CNTN5: variants seen among roughly 807,000 people sequenced by gnomAD.
The protein encoded by CNTN5 is contactin 5, also known as contactin-5.
In CNTN5, 77 loss-of-function variants were observed where a neutral mutation model predicts 129.1. That is an observed-to-expected ratio of 0.60 (90% confidence interval 0.50 to 0.72). The LOEUF (loss-of-function observed/expected upper bound fraction) is 0.72. Ranked by LOEUF, CNTN5 falls within the 30% of genes least tolerant of loss-of-function variation. CNTN5 has a pLI of 0.00. For synonymous variants in CNTN5, 509 were observed against 465.6 expected, an observed-to-expected ratio of 1.09 and a Z score of -1.20; for missense variants, 1,478 against 1,328.8, an observed-to-expected ratio of 1.11 and a Z score of -1.75.
intron 9 of CNTN5, among the ~76,000 whole-genome samples, chr11:100,005,652 C>CA (rs1387053393): frequency 2.0e-5 from 3 of 151,972 alleles, no homozygotes; most frequent in Non-Finnish European, 4.4e-5. Flanking sequence ...ATGACAACCC[C>CA]AAAAAACTTT....
At chr11:99,581,567 A>T (rs1385018444) in intron 3 of CNTN5, among the ~76,000 whole-genome samples, 3 of 151,918 alleles carry the variant, frequency 2.0e-5, no homozygotes, top group African/African-American at 7.3e-5. Flanking sequence ...TGTTGAATTG[A>T]TCCCTTTACC....
At position 99,820,109 on chromosome 11, in the gene CNTN5, C is replaced by CT. The variant is rs200777312; in HGVS notation, c.277+345dup. On this transcript the variant is annotated intron_variant, in intron 4 of 24. Transcript: ENST00000524871. ...CTCCCAGGCCTTGAGACAGACACTA[C>CT]TGGGTTATAAAAATGACAAGAGCCT... is the stretch of plus-strand genomic sequence containing the variant. 6.4e-3 allele frequency among the ~76,000 whole-genome samples: 967 copies of CT among 151,160 alleles called. 13 individuals are homozygous for CT. Among genetic ancestry groups the CT allele is most frequent in the African/African-American group, 0.022 (921 of 41,146 alleles).
At chr11:99,055,930 G>A (rs777144623) in intron 1 of CNTN5, among the ~76,000 whole-genome samples, 4 of 151,754 alleles carry the variant, frequency 2.6e-5, no homozygotes, top group Non-Finnish European at 4.4e-5. Flanking sequence ...TGTCTCCTTC[G>A]GTTTCAATTT....
chr11:99,032,058 C>T (rs888133187), intron 1 of CNTN5, among the ~76,000 whole-genome samples: 2 of 151,788 alleles, frequency 1.3e-5, no homozygotes, highest in Non-Finnish European at 2.9e-5. Context: ...AGAATGATGA[C>T]TTCCAATTTC....
chr11:99,931,635 T>C (rs1950194823), intron 7 of CNTN5, among the ~76,000 whole-genome samples: 1 of 152,220 alleles, frequency 6.6e-6, no homozygotes, highest in African/African-American at 2.4e-5. Flanking sequence ...CTCACTCCTT[T>C]GATAACTGGT....
intron 3 of CNTN5, among the ~76,000 whole-genome samples, chr11:99,698,280 G>C (rs200336158): frequency 1.3e-4 from 4 of 29,898 alleles, no homozygotes; most frequent in African/African-American, 5.6e-4. Flanking sequence ...GAAAAATAAA[G>C]ATAAGAATAT....
intron 1 of CNTN5, among the ~76,000 whole-genome samples, chr11:99,126,347 G>A (rs957485372): frequency 6.6e-6 from 1 of 152,142 alleles, no homozygotes; most frequent in African/African-American, 2.4e-5. Flanking sequence ...AACTTCTGTT[G>A]AAGGAGCTCT....
intron 1 of CNTN5, among the ~76,000 whole-genome samples, chr11:99,166,759 CTTT>C (rs10700454): frequency 1.4e-5 from 2 of 143,938 alleles, no homozygotes; most frequent in Non-Finnish European, 3.0e-5. Flanking sequence ...TTTCCTTTTT[CTTT>C]TTTTTTTTGG....
intron 16 of CNTN5, among the ~76,000 whole-genome samples, chr11:100,228,373 G>A (rs991654636): frequency 2.0e-5 from 3 of 152,242 alleles, no homozygotes; most frequent in South Asian, 4.1e-4. Flanking sequence ...CACTTGTTGG[G>A]AGACATCTAA....
chr11:99,618,440 A>C (rs2135752846), intron 3 of CNTN5, among the ~76,000 whole-genome samples: 1 of 152,262 alleles, frequency 6.6e-6, no homozygotes, highest in South Asian at 2.1e-4. Flanking sequence ...TTAATCACTC[A>C]CAGTTTCATG....
intron 13 of CNTN5, among the ~76,000 whole-genome samples, chr11:100,185,264 G>A (rs1042325892): frequency 6.6e-6 from 1 of 152,090 alleles, no homozygotes; most frequent in Non-Finnish European, 1.5e-5. Context: ...TACTGGATAA[G>A]TTCTACTCTC....
chr11:99,090,917 G>C (rs983702702), intron 1 of CNTN5, among the ~76,000 whole-genome samples: 3 of 151,190 alleles, frequency 2.0e-5, no homozygotes, highest in Non-Finnish European at 4.4e-5. Context: ...AGCTATTCAG[G>C]AGGCTGAGGC....
At chr11:99,667,945 A>C (rs1952864621) in intron 3 of CNTN5, among the ~76,000 whole-genome samples, 1 of 82,352 alleles carries the variant, frequency 1.2e-5, no homozygotes, top group African/African-American at 3.4e-5. Flanking sequence ...CCTGAAACTT[A>C]AAGCAAAAGA....
At chr11:99,515,488 T>C (rs185747589) in intron 2 of CNTN5, among the ~76,000 whole-genome samples, 73 of 152,202 alleles carry the variant, frequency 4.8e-4, no homozygotes, top group African/African-American at 1.6e-3. Flanking sequence ...TTTTTCACCA[T>C]TGTATTTCAT....
intron 2 of CNTN5, among the ~76,000 whole-genome samples, chr11:99,553,055 T>C (rs941165098): frequency 4.6e-5 from 7 of 152,180 alleles, no homozygotes; most frequent in Admixed American, 4.6e-4. Context: ...ATTATCTACT[T>C]ATTGCACTCT....
At chr11:99,095,772 G>C (rs1046995092) in intron 1 of CNTN5, among the ~76,000 whole-genome samples, 5 of 151,826 alleles carry the variant, frequency 3.3e-5, no homozygotes, top group Admixed American at 6.6e-5. Context: ...CAGGCAAGCT[G>C]AGTATTTTGG....
intron 1 of CNTN5, among the ~76,000 whole-genome samples, chr11:99,144,992 T>C (rs1199423420): frequency 6.6e-6 from 1 of 152,184 alleles, no homozygotes; most frequent in Non-Finnish European, 1.5e-5. Context: ...GTCTCTTTTG[T>C]ATTTATGTTG....
At position 99,035,287 on chromosome 11, in the gene CNTN5, C is replaced by T. The variant is rs866535597; in HGVS notation, c.-210+14017C>T. 3.5e-3 allele frequency among the ~76,000 whole-genome samples: 522 copies of T among 148,938 alleles called. 5 individuals are homozygous for T. Among genetic ancestry groups the T allele is most frequent in the African/African-American group, 0.01 (416 of 40,740 alleles). Reference sequence around the variant, plus strand: ...GAGTTCTGTAGATGTCTATTAGGTCCGCTTGGTGCAGAGCTGAGTTCAATT... The same window carrying T: ...GAGTTCTGTAGATGTCTATTAGGTCTGCTTGGTGCAGAGCTGAGTTCAATT... On this transcript the variant is annotated intron_variant, in intron 1 of 24. Transcript: ENST00000524871.
chr11:99,820,487 C>T (rs1200388763), intron 4 of CNTN5, among the ~76,000 whole-genome samples: 2 of 152,302 alleles, frequency 1.3e-5, no homozygotes, highest in African/African-American at 4.8e-5. Context: ...GACTGCTCTA[C>T]AGCTATTGGC....
Sources: allele counts gnomAD v4.1 joint callset (sites outside exome capture counted in the v4.1 genomes callset), GRCh38; gene constraint gnomAD v4.1.1; transcripts MANE v1.5; gene names NCBI Gene and HGNC (gene_info 2026-07-23, HGNC 2026-07-21).